Variants in SAG observed in about 807,000 individuals in gnomAD.
SAG encodes S-antigen visual arrestin.
A neutral mutation model predicts 55.0 loss-of-function variants in SAG; 45 were observed. The ratio of observed to expected loss-of-function variants is 0.82; its 90% confidence interval spans 0.64 to 1.05. The LOEUF is 1.05. Among genes scored for constraint, SAG ranks in the 50% least tolerant of loss-of-function variants. The probability of loss-of-function intolerance (pLI) is 0.00; values close to 1 mark genes in which losing one functional copy is unlikely to be tolerated. For missense variants in SAG, 455 were observed against 512.1 expected (o/e 0.89, Z 1.08); for synonymous variants, 189 against 197.4 (o/e 0.96, Z 0.36).
intron 1 of SAG, among the ~76,000 whole-genome samples, chr2:233,308,225 T>G (rs1463447723): frequency 6.6e-6 from 1 of 152,206 alleles, no homozygotes; most frequent in African/African-American, 2.4e-5. Flanking sequence ...CTCAGGAGGC[T>G]GAGGCTGGAG....
At position 233,314,694 on chromosome 2, in the gene SAG, C is replaced by T. The variant is rs116164844; in HGVS notation, c.76-1381C>T. 5.4e-3 allele frequency among the ~76,000 whole-genome samples: 826 copies of T among 152,278 alleles called. 9 individuals carry two copies. The highest frequency in any genetic ancestry group is 0.019 in the African/African-American group (782 of 41,544). On this transcript the variant is annotated intron_variant, in intron 2 of 15. Coordinates refer to ENST00000409110, the MANE Select transcript of SAG (RefSeq NM_000541.5). ...AGCGCTGGGAGTATAAGGTTTCCTA[C>T]GGAATCTTCTCTGTAAACCAGGGTT...
intron 2 of SAG, among the ~76,000 whole-genome samples, chr2:233,309,818 C>G (rs559378051): frequency 6.6e-6 from 1 of 152,334 alleles, no homozygotes; most frequent in South Asian, 2.1e-4. Context: ...CTCCGAATCC[C>G]TCAATCCCCA....
intron 15 of SAG, 106 bp from the exon 16 acceptor site, chr2:233,346,701 G>A (rs1701262703): frequency 5.9e-6 from 5 of 852,370 alleles, no homozygotes; most frequent in Admixed American, 4.0e-5. Context: ...TTCTATCATG[G>A]GGAAAACCTT....
At chr2:233,314,967 A>G (rs78402680) in intron 2 of SAG, among the ~76,000 whole-genome samples, 130 of 152,332 alleles carry the variant, frequency 8.5e-4, no homozygotes, top group African/African-American at 3.1e-3. Flanking sequence ...CAAACACTGA[A>G]TCCCTGTGTG....
intron 2 of SAG, among the ~76,000 whole-genome samples, chr2:233,312,242 A>C (rs1700094427): frequency 1.3e-5 from 2 of 152,118 alleles, no homozygotes; most frequent in Admixed American, 1.3e-4. Flanking sequence ...TTTGAAAGAG[A>C]AGAAACATGC....
intron 11 of SAG, among the ~76,000 whole-genome samples, chr2:233,336,203 T>A (rs1700922405): frequency 6.6e-6 from 1 of 152,046 alleles, no homozygotes; most frequent in South Asian, 2.1e-4. Context: ...TTTCATGGTG[T>A]GTGGACTAGT....
chr2:233,328,622 C>T lies in SAG; in HGVS notation c.648+9C>T, dbSNP rs1203467901. On this transcript the variant is annotated intron_variant, in intron 8 of 15. Coordinates refer to ENST00000409110, the MANE Select transcript of SAG (RefSeq NM_000541.5). ...TCTCTCTCAACAAAGAGGTAACCACCTACCATCGCTACTACCCGCAGGGCA... is the reference window on the plus strand; with the variant it reads ...TCTCTCTCAACAAAGAGGTAACCACTTACCATCGCTACTACCCGCAGGGCA... 3 of 1,603,336 alleles carry T rather than the reference C, an allele frequency of 1.9e-6. No homozygotes were observed. The highest frequency in any genetic ancestry group is 2.6e-6 in the Non-Finnish European group (3 of 1,172,734).
chr2:233,319,047 C>A lies in SAG; in HGVS notation c.181+252C>A. Reference sequence around the variant, plus strand: ...GGGTGGCAGATAAGTAGATGGTAGACGGAGCCCAGGTCTGTGGCCCCCATT... The same window carrying A: ...GGGTGGCAGATAAGTAGATGGTAGAAGGAGCCCAGGTCTGTGGCCCCCATT... On this transcript the variant is annotated intron_variant, in intron 4 of 15. Coordinates refer to ENST00000409110, the MANE Select transcript of SAG (RefSeq NM_000541.5). The surrounding 1 kb of genome is among the most constrained non-coding windows in gnomAD (Gnocchi z 4.4). 1.5e-6 allele frequency: 1 copy of A among 680,132 alleles called. No individual in the cohort carries two copies. Among genetic ancestry groups the A allele is most frequent in the Non-Finnish European group, 2.8e-6 (1 of 359,658 alleles). 42.1% of individuals were successfully genotyped at this position (680,132 alleles called of 1,614,324 possible). A position where few individuals can be genotyped will look rare whatever the true frequency, so the allele number is the denominator to read the frequency against.
rs1034585044 is a variant in SAG, at chr2:233,338,391, G to A, written c.945-285G>A. 49 of 367,358 alleles carry A rather than the reference G, an allele frequency of 1.3e-4. 1 individual carries two copies. The highest frequency in any genetic ancestry group is 2.4e-4 in the Non-Finnish European group (48 of 198,942). The allele number at this position is 367,358 out of a possible 1,614,324, so 22.8% of individuals were successfully genotyped here. Reference sequence around the variant, plus strand: ...GAGGGAGTTGCTGAGGAGGATGACCGGGGGATGTGCATCTATAGAGGTCAA... The same window carrying A: ...GAGGGAGTTGCTGAGGAGGATGACCAGGGGATGTGCATCTATAGAGGTCAA... On this transcript the variant is annotated intron_variant, in intron 11 of 15. Coordinates refer to ENST00000409110, the MANE Select transcript of SAG (RefSeq NM_000541.5).
chr2:233,318,777 C>A lies in SAG; in HGVS notation c.163C>A (p.Leu55Ile), dbSNP rs755757588. The A allele has an allele frequency of 3.7e-6, 6 of 1,613,754 alleles. No homozygotes were observed. The Admixed American group carries it at 1.0e-4, about 27-fold the overall frequency. ...TGGTGTCGTGTTGGTTGATCCTGAT[C>A]TTGTGAAGGGAAAGAAAGGTGAGAT... ...VDGVVLVDPD[L>I]VKGKKVYVTL... The change falls in exon 4 of 16, where the codon CTT (leucine) becomes ATT (isoleucine). Residue 55 changes from leucine to isoleucine, a missense_variant. Leu to Ile is a conservative substitution (Grantham distance 5, BLOSUM62 2). Coordinates refer to ENST00000409110, the MANE Select transcript of SAG (RefSeq NM_000541.5).
At chr2:233,328,385 G>A in intron 7 of SAG, 93 bp from the exon 8 acceptor site, 1 of 1,456,720 alleles carries the variant, frequency 6.9e-7, no homozygotes, top group Non-Finnish European at 9.4e-7. Flanking sequence ...AGCATTCCTG[G>A]AGAATCTCCA....
chr2:233,330,757 C>G (rs150812337), intron 9 of SAG, among the ~76,000 whole-genome samples: 7 of 152,194 alleles, frequency 4.6e-5, no homozygotes, highest in African/African-American at 1.7e-4. Context: ...GTTTCAAACC[C>G]CTGACCTCAG....
intron 3 of SAG, among the ~76,000 whole-genome samples, chr2:233,318,190 G>A (rs576354212): frequency 2.7e-5 from 4 of 150,800 alleles, no homozygotes; most frequent in Admixed American, 2.6e-4. Context: ...TTTGAGAAAA[G>A]GTCTGGCTCT....
intron 8 of SAG, 112 bp downstream of exon 8, chr2:233,328,725 C>T: frequency 2.4e-6 from 3 of 1,236,144 alleles, no homozygotes; most frequent in Non-Finnish European, 3.3e-6. Context: ...TGCAAGGAAG[C>T]TTGTTTCTAG....
chr2:233,347,002 G>C lies in SAG; in HGVS notation c.*90G>C, dbSNP rs143418950. 63 of 705,782 alleles carry C rather than the reference G, an allele frequency of 8.9e-5. 1 individual carries two copies. The South Asian group carries it at 1.0e-3, about 12-fold the overall frequency. 43.7% of individuals were successfully genotyped at this position (705,782 alleles called of 1,614,324 possible). On this transcript the variant is annotated 3_prime_UTR_variant, in exon 16 of 16. Coordinates refer to ENST00000409110, the MANE Select transcript of SAG (RefSeq NM_000541.5). This position sits in a 1 kb window ranked among gnomAD's most constrained non-coding sequence, Gnocchi z 4.5. ...GTTTAGTCCTTTGGAGTTATGCTGC[G>C]TATGAAAGGATGAGTCTTCTTCCGA...
chr2:233,312,227 A>C (rs1451796967), intron 2 of SAG, among the ~76,000 whole-genome samples: 4 of 152,050 alleles, frequency 2.6e-5, no homozygotes, highest in Non-Finnish European at 4.4e-5. Flanking sequence ...CTTGCAGCCA[A>C]ACCTTTTGAA....
At position 233,319,851 on chromosome 2, in the gene SAG, C is replaced by A. The variant is rs1700326487; in HGVS notation, c.182-779C>A. 1.0e-6 allele frequency: 1 copy of A among 985,774 alleles called. No homozygotes were observed. The highest frequency in any genetic ancestry group is 1.7e-5 in the African/African-American group (1 of 57,366). The allele number at this position is 985,774 out of a possible 1,614,324, so 61.1% of individuals were successfully genotyped here. ...GCCACTGTTTCTTCTGAGTCAGCAGCGAAGGGCAGTTACCTTTGGGGCTTG... is the reference window on the plus strand; with the variant it reads ...GCCACTGTTTCTTCTGAGTCAGCAGAGAAGGGCAGTTACCTTTGGGGCTTG... On this transcript the variant is annotated intron_variant, in intron 4 of 15. Coordinates refer to ENST00000409110, the MANE Select transcript of SAG (RefSeq NM_000541.5). This position sits in a 1 kb window ranked among gnomAD's most constrained non-coding sequence, Gnocchi z 4.4.
At position 233,340,739 on chromosome 2, in the gene SAG, C is replaced by T. The variant is rs10803624; in HGVS notation, c.1046+261C>T. Among the ~76,000 whole-genome samples, 55,632 of 150,280 alleles carry T rather than the reference C, an allele frequency of 0.37. 12,310 individuals are homozygous for T. The highest frequency in any genetic ancestry group is 0.5 in the South Asian group (2,374 of 4,760). On this transcript the variant is annotated intron_variant, in intron 13 of 15. Coordinates refer to ENST00000409110, the MANE Select transcript of SAG (RefSeq NM_000541.5). The surrounding 1 kb of genome is among the most constrained non-coding windows in gnomAD (Gnocchi z 4.2). ...ACACACCCAGAAAACTGGCACACTC[C>T]ATGCAGCCAGCTTGTGTGTGTGTGT... is the stretch of plus-strand genomic sequence containing the variant.
At chr2:233,330,138 A>G (rs3792097) in intron 9 of SAG, among the ~76,000 whole-genome samples, 111,900 of 152,208 alleles carry the variant, frequency 0.74, 41,621 homozygotes, top group African/African-American at 0.84. Context: ...AAGCTCAAAA[A>G]GCATCAAAGC....
Sources: gnomAD v4.1 joint callset for allele counts (sites outside exome capture counted in the v4.1 genomes callset) on GRCh38, gnomAD v4.1.1 for gene constraint, Gnocchi (gnomAD v3.1) non-coding constraint, MANE v1.5 for transcripts, NCBI Gene and HGNC (gene_info 2026-07-23, HGNC 2026-07-21) for gene names.